RAB4B: variants seen among roughly 807,000 people sequenced by gnomAD.
The protein encoded by RAB4B is ras-related protein Rab-4B.
Under a neutral mutation model 28.3 loss-of-function variants are expected in RAB4B, and 15 were observed. That is an observed-to-expected ratio of 0.53 (90% confidence interval 0.35 to 0.82). The LOEUF is 0.82. RAB4B is among the 40% of genes least tolerant of loss of function. The pLI is 0.01. For synonymous variants in RAB4B, 108 were observed against 116.3 expected (o/e 0.93, Z 0.46); for missense variants, 244 against 288.5 (o/e 0.85, Z 1.12).
At chr19:40,781,423 C>T (rs537403243) in intron 3 of RAB4B, among the ~76,000 whole-genome samples, 4 of 151,822 alleles carry the variant, frequency 2.6e-5, no homozygotes, top group African/African-American at 9.7e-5. Context: ...TGTAGTTGGA[C>T]GTTGAATGAA....
intron 3 of RAB4B, among the ~76,000 whole-genome samples, chr19:40,781,893 C>T (rs941217429): frequency 4.6e-5 from 7 of 151,668 alleles, no homozygotes; most frequent in South Asian, 4.2e-4. Flanking sequence ...TGGTGGCAGA[C>T]GCTGGAAGTC....
intron 7 of RAB4B, among the ~76,000 whole-genome samples, chr19:40,793,577 T>G (rs1455192118): frequency 1.3e-4 from 16 of 119,774 alleles, no homozygotes; most frequent in African/African-American, 2.6e-4. Flanking sequence ...TTTTTGTTTT[T>G]TTTTTTTTTT....
At chr19:40,780,125 A>C in intron 2 of RAB4B, 26 bp downstream of exon 2, 1 of 1,612,666 alleles carries the variant, frequency 6.2e-7, no homozygotes, top group Non-Finnish European at 8.5e-7. Context: ...TGGTCCTGGG[A>C]ACCCTGAGCT....
chr19:40,786,888 C>T lies in RAB4B; in HGVS notation c.567C>T (p.Tyr189=), dbSNP rs138702952. The T allele has an allele frequency of 9.9e-5, 159 of 1,614,104 alleles. No homozygotes were observed. The South Asian group carries it at 1.3e-3, about 13-fold the overall frequency. Residue 189 remains tyrosine (Y), a synonymous_variant, in exon 7 of 8, where the codon TAC becomes TAT. Transcript: ENST00000357052. ...DPERMGSGIQ[Y]GDASLRQLRQ... is the part of the protein sequence containing the mutation. ...AGAGGATGGGCTCTGGCATTCAGTA[C>T]GGGGATGCGTCCCTCCGCCAGCTTC...
intron 2 of RAB4B, 68 bp from the exon 3 acceptor site, chr19:40,780,317 A>G (rs2083034442): frequency 2.0e-6 from 3 of 1,488,914 alleles, no homozygotes; most frequent in Admixed American, 4.0e-5. Context: ...AGGGCCTTGG[A>G]GGATGGGGGA....
At chr19:40,779,966 C>G in intron 1 of RAB4B, 53 bp from the exon 2 acceptor site, 2 of 1,608,634 alleles carry the variant, frequency 1.2e-6, no homozygotes, top group South Asian at 2.2e-5. Flanking sequence ...ATCTTTTTTC[C>G]CTGTATCTTT....
intron 7 of RAB4B, among the ~76,000 whole-genome samples, chr19:40,789,734 C>T (rs890803494): frequency 2.7e-5 from 4 of 145,924 alleles, no homozygotes; most frequent in African/African-American, 5.1e-5. Flanking sequence ...CTCTTGACCT[C>T]GTGATCCGCC....
At chr19:40,790,664 C>CTTTTT (rs34206561) in intron 7 of RAB4B, among the ~76,000 whole-genome samples, 2 of 111,508 alleles carry the variant, frequency 1.8e-5, no homozygotes, top group Non-Finnish European at 3.5e-5. Flanking sequence ...TGAGCCTTTC[C>CTTTTT]TTTTTTTTTT....
rs754339375 is a variant in RAB4B at position 40,783,994 on chromosome 19, A to G, written c.349A>G (p.Ile117Val). Residue 117 changes from isoleucine to valine, a missense_variant, in exon 5 of 8, where the codon ATC becomes GTC. Coordinates refer to ENST00000357052, the MANE Select transcript of RAB4B (RefSeq NM_016154.5). ...CCTGGCCAGCCCCAACATCGTGGTC[A>G]TCCTCTGTGGCAACAAGAAGGACCT... ...RTLASPNIVVILCGNKKDLDP... is the reference protein window; with the variant it reads ...RTLASPNIVVVLCGNKKDLDP... The G allele has an allele frequency of 2.5e-6, 4 of 1,614,046 alleles. No homozygotes were observed. In the African/African-American group the frequency reaches 4.0e-5, roughly 16 times the overall value.
At chr19:40,795,197 GAGCC>G (rs1021550418) in intron 7 of RAB4B, among the ~76,000 whole-genome samples, 6 of 146,092 alleles carry the variant, frequency 4.1e-5, no homozygotes, top group African/African-American at 1.5e-4. Flanking sequence ...AAAAAGATGT[GAGCC>G]AGCCAGTTGC....
chr19:40,785,832 C>G (rs2083093235), intron 5 of RAB4B: 1 of 154,254 alleles, frequency 6.5e-6, no homozygotes, highest in Non-Finnish European at 1.4e-5. Context: ...GGTGGAAGGA[C>G]AGACCCACTT....
At chr19:40,778,587 G>A (rs1455497635) in intron 1 of RAB4B, among the ~76,000 whole-genome samples, 196 bp downstream of exon 1, 2 of 152,180 alleles carry the variant, frequency 1.3e-5, no homozygotes, top group African/African-American at 2.4e-5. Context: ...GGTCTGGTGC[G>A]TGGGTTAAAT....
chr19:40,787,106 C>A, intron 7 of RAB4B, 128 bp downstream of exon 7: 1 of 901,586 alleles, frequency 1.1e-6, no homozygotes, highest in Non-Finnish European at 1.7e-6. Context: ...AACACACAAG[C>A]TAAAGGAGGC....
chr19:40,789,724 C>T (rs562210304), intron 7 of RAB4B, among the ~76,000 whole-genome samples: 1 of 152,086 alleles, frequency 6.6e-6, no homozygotes, highest in Non-Finnish European at 1.5e-5. Context: ...TGGTCTCGAT[C>T]TCTTGACCTC....
At chr19:40,794,139 G>A (rs1312873439) in intron 7 of RAB4B, among the ~76,000 whole-genome samples, 5 of 151,816 alleles carry the variant, frequency 3.3e-5, no homozygotes, top group Non-Finnish European at 7.4e-5. Context: ...CAATGGTGTG[G>A]TCTCGGCTCA....
At chr19:40,791,764 C>T (rs937548426) in intron 7 of RAB4B, among the ~76,000 whole-genome samples, 5 of 152,042 alleles carry the variant, frequency 3.3e-5, no homozygotes, top group African/African-American at 1.2e-4. Context: ...TCCTGAGTAG[C>T]TGGGACTATG....
intron 7 of RAB4B, 124 bp downstream of exon 7, chr19:40,787,102 C>T (rs1451279819): frequency 2.1e-6 from 2 of 944,208 alleles, no homozygotes; most frequent in Non-Finnish European, 3.2e-6. Context: ...CAAAAACACA[C>T]AAGCTAAAGG....
Position 40,779,574 on chromosome 19 carries a change from T to A in RAB4B, c.17-445T>A, listed in dbSNP as rs150058242. On this transcript the variant is annotated intron_variant, in intron 1 of 7. Transcript: ENST00000357052. ...GCCTGACCAACATGGAGAAACCCCG[T>A]CTCTACTAAAAATACAGAATTAGCT... The A allele has an allele frequency of 9.4e-3, 1,599 of 170,534 alleles. 63 individuals are homozygous for A. The highest frequency in any genetic ancestry group is 0.079 in the Admixed American group (1,320 of 16,630). 10.6% of individuals were successfully genotyped at this position (170,534 alleles called of 1,614,324 possible).
intron 7 of RAB4B, among the ~76,000 whole-genome samples, chr19:40,791,646 G>T (rs987071747): frequency 3.3e-5 from 5 of 150,210 alleles, no homozygotes; most frequent in African/African-American, 1.2e-4. Flanking sequence ...CCAAACTTTT[G>T]TTTTTTTTTG....
Sources: gnomAD v4.1 joint callset for allele counts (sites outside exome capture counted in the v4.1 genomes callset) on GRCh38, gnomAD v4.1.1 for gene constraint, MANE v1.5 for transcripts, NCBI Gene and HGNC (gene_info 2026-07-23, HGNC 2026-07-21) for gene names.